The following PDPK1 variants were observed in gnomAD, a reference collection of about 807,000 sequenced individuals.
PDPK1 encodes the protein 3-phosphoinositide-dependent protein kinase 1.
Under a neutral mutation model 39.8 loss-of-function variants are expected in PDPK1, and 7 were observed. The observed-to-expected ratio is 0.18, with a 90% CI of 0.10 to 0.33. PDPK1 has a LOEUF of 0.33. Ranked by LOEUF, PDPK1 falls within the 10% of genes least tolerant of loss-of-function variation. The probability of loss-of-function intolerance (pLI) is 1.00; values close to 1 mark genes in which losing one functional copy is unlikely to be tolerated. For synonymous variants in PDPK1, 118 were observed against 159.1 expected (o/e 0.74, Z 1.95); for missense variants, 182 against 384.7 (o/e 0.47, Z 4.41).
intron 1 of PDPK1, among the ~76,000 whole-genome samples, chr16:2,541,740 C>T (rs2066249085): frequency 6.6e-6 from 1 of 152,198 alleles, no homozygotes; most frequent in South Asian, 2.1e-4. Context: ...ATGAGTTGCT[C>T]AGGTCTTTTC....
chr16:2,586,801 C>T lies in PDPK1; in HGVS notation c.1251C>T (p.His417=), dbSNP rs532663585. Residue 417 remains histidine, a synonymous_variant, in exon 11 of 14, where the codon CAC becomes CAT. Coordinates refer to ENST00000342085, the MANE Select transcript of PDPK1 (RefSeq NM_002613.5). The part of the protein sequence containing the change: ...RSGSNIEQYI[H]DLDSNSFELD... ...GCAGCAACATAGAGCAGTACATTCACGATCTGGACTCGAACTCCTTTGAAC... is the reference window on the plus strand; with the variant it reads ...GCAGCAACATAGAGCAGTACATTCATGATCTGGACTCGAACTCCTTTGAAC... 7.1e-5 allele frequency: 115 copies of T among 1,614,252 alleles called. 1 individual carries two copies. In the South Asian group the frequency reaches 1.1e-3, roughly 16 times the overall value.
At chr16:2,558,570 G>A (rs1597037252) in intron 2 of PDPK1, among the ~76,000 whole-genome samples, 1 of 150,058 alleles carries the variant, frequency 6.7e-6, no homozygotes, top group East Asian at 1.9e-4. Flanking sequence ...GCAAAGAAAT[G>A]AAGGTCGAAA....
At chr16:2,538,388 G>T (rs1227538502) in intron 1 of PDPK1, 7 of 378,774 alleles carry the variant, frequency 1.8e-5, no homozygotes, top group African/African-American at 1.5e-4. Context: ...GAGGGCGGGG[G>T]AGGCCGGGAG....
At position 2,546,520 on chromosome 16, in the gene PDPK1, G is replaced by A. The variant is rs2066350842; in HGVS notation, c.24+8384G>A. 2.0e-5 allele frequency among the ~76,000 whole-genome samples: 3 copies of A among 152,206 alleles called. No homozygotes were observed. In the South Asian group the frequency reaches 6.2e-4, roughly 32 times the overall value. The stretch of plus-strand genomic sequence containing the variant: ...GGCTAATTTGTGTATTTTTAGTAGA[G>A]ATGGGGTTTCACCATGTTGGCCAGG... On this transcript the variant is annotated intron_variant, in intron 1 of 13. Transcript: ENST00000342085.
At position 2,601,100 on chromosome 16, in the gene PDPK1, C is replaced by T. The variant is rs1243766257; in HGVS notation, c.*3333C>T. ...CTGTGATGAATATCTTTAAAATCTT[C>T]TGATTTCTTACTTTTTTCCCCCTTA... On this transcript the variant is annotated 3_prime_UTR_variant, in exon 14 of 14. Transcript: ENST00000342085. 4.3e-6 allele frequency: 1 copy of T among 232,824 alleles called. No homozygotes were observed. Among genetic ancestry groups the T allele is most frequent in the Non-Finnish European group, 8.5e-6 (1 of 117,952 alleles). 14.4% of individuals were successfully genotyped at this position (232,824 alleles called of 1,614,324 possible).
chr16:2,541,349 C>T (rs187869409), intron 1 of PDPK1, among the ~76,000 whole-genome samples: 6 of 152,264 alleles, frequency 3.9e-5, no homozygotes, highest in South Asian at 2.1e-4. Flanking sequence ...TGATTGACAC[C>T]GGTGGGAGAC....
chr16:2,592,501 C>G (rs1455427107), intron 11 of PDPK1: 2 of 323,220 alleles, frequency 6.2e-6, no homozygotes, highest in South Asian at 2.4e-5. Flanking sequence ...TGGTGAAACC[C>G]TGTCTCTACT....
Position 2,597,016 on chromosome 16 carries a change from T to C in PDPK1, c.1402-107T>C. On this transcript the variant is annotated intron_variant, in intron 12 of 13. Transcript: ENST00000342085. The surrounding 1 kb of genome is among the most constrained non-coding windows in gnomAD (Gnocchi z 6.3). ...TGGGTGAGTGCACAGGTGGTGGTGG[T>C]GGCCCTGTGTCCTGAGCAGCTCCGA... 3 of 726,574 alleles carry C rather than the reference T, an allele frequency of 4.1e-6. No homozygotes were observed. Among genetic ancestry groups the C allele is most frequent in the African/African-American group, 1.8e-5 (1 of 56,152 alleles). 45.0% of individuals were successfully genotyped at this position (726,574 alleles called of 1,614,324 possible).
chr16:2,587,676 T>G (rs917699494), intron 11 of PDPK1, among the ~76,000 whole-genome samples: 1 of 152,154 alleles, frequency 6.6e-6, no homozygotes, highest in Non-Finnish European at 1.5e-5. Flanking sequence ...ACCTGGTTAA[T>G]TTTTGTATTT....
chr16:2,591,152 G>A (rs1231221236), intron 11 of PDPK1, among the ~76,000 whole-genome samples: 1 of 152,054 alleles, frequency 6.6e-6, no homozygotes, highest in Non-Finnish European at 1.5e-5. Flanking sequence ...TAGTAGAGAC[G>A]TGGTTTCACC....
At chr16:2,586,944 C>T in intron 11 of PDPK1, 51 bp downstream of exon 11, 1 of 1,500,666 alleles carries the variant, frequency 6.7e-7, no homozygotes, top group Non-Finnish European at 9.3e-7. Flanking sequence ...GCAGCGTGAA[C>T]ACGTGGGGGC....
At chr16:2,552,143 A>G (rs2066426481) in intron 1 of PDPK1, among the ~76,000 whole-genome samples, 1 of 149,958 alleles carries the variant, frequency 6.7e-6, no homozygotes, top group African/African-American at 2.5e-5. Context: ...TACTTTTTAT[A>G]TATTTTTTTG....
At chr16:2,556,790 C>G (rs1326235219) in intron 1 of PDPK1, 1 of 146,676 alleles carries the variant, frequency 6.8e-6, no homozygotes, top group African/African-American at 2.7e-5. Flanking sequence ...CATGAGCCAC[C>G]AAGCCCGGCC....
At chr16:2,589,507 C>G (rs1358468212) in intron 11 of PDPK1, among the ~76,000 whole-genome samples, 15 of 151,892 alleles carry the variant, frequency 9.9e-5, no homozygotes, top group Admixed American at 9.8e-4. Flanking sequence ...GGGCAAGAAA[C>G]TGAAACCCTG....
At chr16:2,588,713 G>A (rs1295736884) in intron 11 of PDPK1, among the ~76,000 whole-genome samples, 1 of 152,144 alleles carries the variant, frequency 6.6e-6, no homozygotes, top group Non-Finnish European at 1.5e-5. Context: ...AGATCTTGCA[G>A]GATCTGTCTG....
At position 2,601,535 on chromosome 16, in the gene PDPK1, T is replaced by C; in HGVS notation, c.*3768T>C. 1 of 234,544 alleles carries C rather than the reference T, an allele frequency of 4.3e-6. No individual in the cohort carries two copies. The highest frequency in any genetic ancestry group is 8.5e-6 in the Non-Finnish European group (1 of 117,892). The allele number at this position is 234,544 out of a possible 1,614,324, so 14.5% of individuals were successfully genotyped here. ...CTGCACAGTCAGCAGAGATAACAAG[T>C]GTTGAACTGACCTTGCCACATGCTT... is the stretch of plus-strand genomic sequence containing the variant. On this transcript the variant is annotated 3_prime_UTR_variant, in exon 14 of 14. Transcript: ENST00000342085.
chr16:2,588,119 G>A (rs755171579), intron 11 of PDPK1, among the ~76,000 whole-genome samples: 1 of 152,180 alleles, frequency 6.6e-6, no homozygotes, highest in Non-Finnish European at 1.5e-5. Context: ...GCTGAGCTCT[G>A]GGCCGCCCCG....
At position 2,546,158 on chromosome 16, in the gene PDPK1, A is replaced by AC. The variant is rs557428486; in HGVS notation, c.24+8023dup. 3.5e-3 allele frequency among the ~76,000 whole-genome samples: 538 copies of AC among 151,972 alleles called. 3 individuals carry two copies. The highest frequency in any genetic ancestry group is 0.013 in the African/African-American group (525 of 41,434). ...GAGTGCAGTGGCGCGATCTCGGCTC[A>AC]CTGCAACCTCTGCCACCCGGGTTCA... On this transcript the variant is annotated intron_variant, in intron 1 of 13. Coordinates refer to ENST00000342085, the MANE Select transcript of PDPK1 (RefSeq NM_002613.5).
At chr16:2,547,166 T>C (rs1221270916) in intron 1 of PDPK1, among the ~76,000 whole-genome samples, 3 of 149,968 alleles carry the variant, frequency 2.0e-5, no homozygotes, top group Non-Finnish European at 2.9e-5. Context: ...GGCAGGTTAG[T>C]GAGCAGGCTC....
Sources: gnomAD v4.1 joint callset for allele counts (sites outside exome capture counted in the v4.1 genomes callset) on GRCh38, gnomAD v4.1.1 for gene constraint, Gnocchi (gnomAD v3.1) non-coding constraint, MANE v1.5 for transcripts, NCBI Gene and HGNC (gene_info 2026-07-23, HGNC 2026-07-21) for gene names.